The following MAPRE2 variants were observed in gnomAD, a reference collection of about 807,000 sequenced individuals.
MAPRE2 encodes microtubule-associated protein RP/EB family member 2.
In MAPRE2, 13 loss-of-function variants were observed where a neutral mutation model predicts 43.2. The observed-to-expected ratio is 0.30, with a 90% CI of 0.20 to 0.48. The LOEUF (loss-of-function observed/expected upper bound fraction) is 0.48. Ranked by LOEUF, MAPRE2 falls within the 20% of genes least tolerant of loss-of-function variation. MAPRE2 has a pLI of 0.99. For synonymous variants in MAPRE2, 135 were observed against 148.8 expected (o/e 0.91, Z 0.68); for missense variants, 161 against 400.2 (o/e 0.40, Z 5.10).
intron 2 of MAPRE2, among the ~76,000 whole-genome samples, chr18:35,010,973 T>A (rs896625289): frequency 1.3e-5 from 2 of 152,208 alleles, no homozygotes; most frequent in African/African-American, 2.4e-5. Context: ...AGGTTTGAAA[T>A]GTCTCAAGCA....
intron 1 of MAPRE2, among the ~76,000 whole-genome samples, chr18:35,060,156 C>T (rs191850559): frequency 1.8e-3 from 273 of 152,204 alleles, no homozygotes; most frequent in Middle Eastern, 6.8e-3. Flanking sequence ...TTGGGGGCAG[C>T]GTGGGCATGA....
intron 1 of MAPRE2, among the ~76,000 whole-genome samples, chr18:34,977,735 C>A (rs1326528466): frequency 2.6e-5 from 4 of 152,196 alleles, no homozygotes; most frequent in Non-Finnish European, 5.9e-5. Context: ...ATTCTGCGCC[C>A]AAGCATCTCT....
At chr18:35,130,315 C>A (rs1910090513) in intron 5 of MAPRE2, among the ~76,000 whole-genome samples, 1 of 152,050 alleles carries the variant, frequency 6.6e-6, no homozygotes, top group South Asian at 2.1e-4. Flanking sequence ...AGCTGGTCAC[C>A]TTCAGTTTTT....
At chr18:35,133,967 G>GTACA (rs1477264309) in intron 6 of MAPRE2, among the ~76,000 whole-genome samples, 1 of 152,182 alleles carries the variant, frequency 6.6e-6, no homozygotes, top group Non-Finnish European at 1.5e-5. Context: ...TTCCTGCAAT[G>GTACA]TACATGCAAC....
intron 1 of MAPRE2, among the ~76,000 whole-genome samples, chr18:35,043,055 A>T (rs1231797634): frequency 1.3e-5 from 2 of 152,168 alleles, no homozygotes; most frequent in Admixed American, 6.5e-5. Flanking sequence ...TAATGTGTTG[A>T]TATGGCATTC....
At chr18:35,115,222 T>C (rs1909358815) in intron 4 of MAPRE2, among the ~76,000 whole-genome samples, 2 of 152,310 alleles carry the variant, frequency 1.3e-5, no homozygotes, top group South Asian at 4.1e-4. Context: ...GCAGCATTCA[T>C]CTTGATCAAG....
chr18:35,023,309 A>G (rs774066995), intron 2 of MAPRE2, among the ~76,000 whole-genome samples: 2 of 151,922 alleles, frequency 1.3e-5, no homozygotes, highest in African/African-American at 2.4e-5. Flanking sequence ...TCAGGAGATC[A>G]AGACCATCCT....
At chr18:35,135,716 GC>G (rs1910358613) in intron 6 of MAPRE2, among the ~76,000 whole-genome samples, 1 of 152,212 alleles carries the variant, frequency 6.6e-6, no homozygotes, top group African/African-American at 2.4e-5. Context: ...CTGTTTTCTG[GC>G]CAGCCCCACA....
intron 3 of MAPRE2, among the ~76,000 whole-genome samples, chr18:35,101,094 C>T (rs967850568): frequency 6.6e-6 from 1 of 152,148 alleles, no homozygotes; most frequent in African/African-American, 2.4e-5. Flanking sequence ...GCACAACATT[C>T]CAGGCGTCTG....
chr18:35,055,535 C>T (rs988770321), intron 1 of MAPRE2, among the ~76,000 whole-genome samples: 1 of 60,226 alleles, frequency 1.7e-5, no homozygotes, highest in Non-Finnish European at 3.2e-5. Context: ...CTATTCAGTT[C>T]TCTGTGTGTG....
intron 2 of MAPRE2, among the ~76,000 whole-genome samples, chr18:35,078,457 G>T (rs752822231): frequency 6.6e-6 from 1 of 152,064 alleles, no homozygotes; most frequent in Non-Finnish European, 1.5e-5. Flanking sequence ...TTTTCAGTGT[G>T]TTTTTATATG....
chr18:35,066,535 A>G (rs564371926), intron 1 of MAPRE2, among the ~76,000 whole-genome samples: 2 of 152,342 alleles, frequency 1.3e-5, no homozygotes, highest in African/African-American at 4.8e-5. Flanking sequence ...TGAGTTTAAC[A>G]TTTGGAAAAA....
intron 6 of MAPRE2, among the ~76,000 whole-genome samples, chr18:35,138,957 CACG>C (rs1301275582): frequency 6.6e-6 from 1 of 152,150 alleles, no homozygotes; most frequent in Non-Finnish European, 1.5e-5. Context: ...TTCCTCTCAA[CACG>C]ACATGGATTG....
chr18:34,995,745 A>G (rs1283398060), intron 1 of MAPRE2, among the ~76,000 whole-genome samples: 1 of 152,138 alleles, frequency 6.6e-6, no homozygotes, highest in East Asian at 1.9e-4. Context: ...GTAAGGTCTA[A>G]GCTATACATT....
chr18:35,095,103 T>G (rs1213722128), intron 2 of MAPRE2, among the ~76,000 whole-genome samples: 1 of 152,094 alleles, frequency 6.6e-6, no homozygotes, highest in East Asian at 1.9e-4. Context: ...TAGACAAAAA[T>G]AAATTCCACA....
chr18:34,977,573 G>A (rs546690391), intron 1 of MAPRE2, among the ~76,000 whole-genome samples: 1 of 152,304 alleles, frequency 6.6e-6, no homozygotes, highest in Admixed American at 6.5e-5. Flanking sequence ...AGATCAGGAA[G>A]TGCAGCGCGC....
intron 1 of MAPRE2, among the ~76,000 whole-genome samples, chr18:35,062,346 A>G (rs570998549): frequency 4.0e-4 from 61 of 152,348 alleles, no homozygotes; most frequent in Non-Finnish European, 4.1e-4. Context: ...AGAGAAGAAA[A>G]TATTGGTGAT....
In MAPRE2 at chr18:35,130,320, GT is replaced by G. The variant is rs201359911; in HGVS notation, c.751-1705del. ...CTGGAATTTAAGCTGGTCACCTTCA[GT>G]TTTTTTGTACATCTTACAAATGTGC... On this transcript the variant is annotated intron_variant, in intron 5 of 6. Coordinates refer to ENST00000300249, the MANE Select transcript of MAPRE2 (RefSeq NM_014268.4). Among the ~76,000 whole-genome samples, 1,323 of 152,236 alleles carry G rather than the reference GT, an allele frequency of 8.7e-3. 18 individuals carry two copies. The highest frequency in any genetic ancestry group is 0.03 in the African/African-American group (1,261 of 41,550).
At chr18:35,106,044 C>T (rs1272886884) in intron 4 of MAPRE2, among the ~76,000 whole-genome samples, 1 of 152,126 alleles carries the variant, frequency 6.6e-6, no homozygotes, top group East Asian at 1.9e-4. Context: ...TATACACAGT[C>T]TGCTTTTGTT....
Sources: allele counts gnomAD v4.1 joint callset (sites outside exome capture counted in the v4.1 genomes callset), GRCh38; gene constraint gnomAD v4.1.1; transcripts MANE v1.5; gene names NCBI Gene and HGNC (gene_info 2026-07-23, HGNC 2026-07-21).